CERS6: variants seen among roughly 807,000 people sequenced by gnomAD.
The protein encoded by CERS6 is ceramide synthase 6, also known as LAG1 homolog, ceramide synthase 6.
Under a neutral mutation model 56.8 loss-of-function variants are expected in CERS6, and 26 were observed. The ratio of observed to expected loss-of-function variants is 0.46; its 90% CI spans 0.34 to 0.63. The LOEUF is 0.63. CERS6 is among the 30% of genes least tolerant of loss of function. The pLI, the probability that CERS6 is intolerant of heterozygous loss-of-function variation, is 0.01. For synonymous variants in CERS6, 164 were observed against 173.3 expected (o/e 0.95, Z 0.42); for missense variants, 415 against 467.5 (o/e 0.89, Z 1.04).
intron 1 of CERS6, among the ~76,000 whole-genome samples, chr2:168,528,742 C>T (rs1224753888): frequency 6.6e-6 from 1 of 152,094 alleles, no homozygotes; most frequent in Non-Finnish European, 1.5e-5. Context: ...GAGAAAGCAG[C>T]CAAATGAGAG....
intron 9 of CERS6, among the ~76,000 whole-genome samples, chr2:168,768,066 C>T (rs1684766168): frequency 2.0e-5 from 3 of 152,190 alleles, no homozygotes; most frequent in African/African-American, 7.2e-5. Context: ...TCTTAATTTC[C>T]CCCAAAAACT....
chr2:168,604,982 G>A (rs1012559405), intron 3 of CERS6, among the ~76,000 whole-genome samples: 2 of 152,170 alleles, frequency 1.3e-5, no homozygotes, highest in African/African-American at 4.8e-5. Flanking sequence ...TTGGAATTGG[G>A]TAATGGGCTT....
chr2:168,469,311 G>A (rs984996710), intron 1 of CERS6, among the ~76,000 whole-genome samples: 2 of 152,172 alleles, frequency 1.3e-5, no homozygotes, highest in Non-Finnish European at 2.9e-5. Context: ...AGTTAGCCAT[G>A]TAAATAATTT....
At chr2:168,631,512 A>G (rs1360144555) in intron 4 of CERS6, among the ~76,000 whole-genome samples, 1 of 123,660 alleles carries the variant, frequency 8.1e-6, no homozygotes, top group African/African-American at 3.1e-5. Flanking sequence ...TATAATATAT[A>G]TAAACTATTA....
At chr2:168,576,741 C>CACAT (rs143929422) in intron 3 of CERS6, among the ~76,000 whole-genome samples, 19 of 152,250 alleles carry the variant, frequency 1.2e-4, no homozygotes, top group South Asian at 8.3e-4. Flanking sequence ...CACCTATACA[C>CACAT]ACATACATAC....
intron 8 of CERS6, among the ~76,000 whole-genome samples, chr2:168,750,761 T>G (rs746036768): frequency 1.3e-5 from 2 of 152,168 alleles, no homozygotes; most frequent in Non-Finnish European, 2.9e-5. Context: ...ATAGGACAAA[T>G]GTTTGCAAAG....
At chr2:168,624,319 G>T (rs936663941) in intron 3 of CERS6, among the ~76,000 whole-genome samples, 1 of 152,094 alleles carries the variant, frequency 6.6e-6, no homozygotes, top group South Asian at 2.1e-4. Context: ...GTCAAAATAA[G>T]ATTTTAATTT....
At chr2:168,762,314 A>G (rs922079857) in intron 8 of CERS6, among the ~76,000 whole-genome samples, 2 of 152,088 alleles carry the variant, frequency 1.3e-5, no homozygotes, top group East Asian at 3.8e-4. Context: ...ATGTCTATGT[A>G]TTTGAAATTA....
At chr2:168,617,801 A>G (rs577495122) in intron 3 of CERS6, among the ~76,000 whole-genome samples, 1 of 152,336 alleles carries the variant, frequency 6.6e-6, no homozygotes, top group East Asian at 1.9e-4. Context: ...TCTACCAGAC[A>G]TTCAAAGTAC....
At chr2:168,657,490 G>C (rs916771228) in intron 4 of CERS6, among the ~76,000 whole-genome samples, 1 of 152,388 alleles carries the variant, frequency 6.6e-6, no homozygotes, top group African/African-American at 2.4e-5. Flanking sequence ...GGAGCAGGGG[G>C]TGGAGCTCGT....
Position 168,774,898 on chromosome 2 carries a change from A to T in CERS6, c.*5236A>T, listed in dbSNP as rs1020000356. The T allele has an allele frequency of 6.6e-6, 1 of 152,170 alleles. No individual in the cohort carries two copies. The highest frequency in any genetic ancestry group is 6.5e-5 in the Admixed American group (1 of 15,276). The allele number at this position is 152,170 out of a possible 1,614,324, so 9.4% of individuals were successfully genotyped here. ...TTTTCAACTTGCAGTGAGAAATAGG[A>T]TAGGTGACAAAACCTTACTTGTTTT... On this transcript the variant is annotated 3_prime_UTR_variant, in exon 10 of 10. Transcript: ENST00000305747.
At chr2:168,681,813 G>T (rs959424231) in intron 4 of CERS6, among the ~76,000 whole-genome samples, 6 of 152,064 alleles carry the variant, frequency 3.9e-5, no homozygotes, top group African/African-American at 1.5e-4. Flanking sequence ...CCATCCCCTA[G>T]TAACCACTAT....
In CERS6 at chr2:168,463,717, C is replaced by T. The variant is rs764595007; in HGVS notation, c.170+7099C>T. 5.6e-4 allele frequency among the ~76,000 whole-genome samples: 85 copies of T among 152,078 alleles called. 1 individual carries two copies. Among genetic ancestry groups the T allele is most frequent in the Non-Finnish European group, 9.0e-4 (61 of 67,974 alleles). On this transcript the variant is annotated intron_variant, in intron 1 of 9. Coordinates refer to ENST00000305747, the MANE Select transcript of CERS6 (RefSeq NM_203463.3). ...GAGCCCAGGAATTTGAGACCAGCTG[C>T]GGCAACATGGCAAAACCCCGTCTTT...
intron 8 of CERS6, among the ~76,000 whole-genome samples, chr2:168,758,508 C>T (rs539841310): frequency 3.9e-5 from 6 of 152,240 alleles, no homozygotes; most frequent in East Asian, 1.9e-4. Flanking sequence ...GGAGGAGCGG[C>T]GGAGGCAAAT....
intron 8 of CERS6, among the ~76,000 whole-genome samples, chr2:168,727,825 T>C (rs1683392316): frequency 6.6e-6 from 1 of 152,254 alleles, no homozygotes; most frequent in Admixed American, 6.5e-5. Flanking sequence ...TGGTCTATGT[T>C]AAATATATTA....
intron 5 of CERS6, among the ~76,000 whole-genome samples, chr2:168,692,837 A>G (rs1686540143): frequency 6.6e-6 from 1 of 152,098 alleles, no homozygotes; most frequent in African/African-American, 2.4e-5. Flanking sequence ...TGCCTATGTA[A>G]ATATATAGAT....
chr2:168,578,882 A>G (rs977118785), intron 3 of CERS6, among the ~76,000 whole-genome samples: 5 of 152,138 alleles, frequency 3.3e-5, no homozygotes, highest in African/African-American at 7.2e-5. Context: ...TTTTCCTAAC[A>G]TTATTAAATG....
In CERS6 at chr2:168,491,916, A is replaced by G. The variant is rs1694381103; in HGVS notation, c.170+35298A>G. 2.0e-5 allele frequency among the ~76,000 whole-genome samples: 3 copies of G among 152,176 alleles called. No individual in the cohort carries two copies. The East Asian group carries it at 5.8e-4, about 29-fold the overall frequency. On this transcript the variant is annotated intron_variant, in intron 1 of 9. Transcript: ENST00000305747. ...TAGTTTGCTGACAATAATGGTTTCC[A>G]GCTTCATCCATGTCCCTACAAAGGA...
intron 7 of CERS6, among the ~76,000 whole-genome samples, chr2:168,715,757 T>C (rs547002170): frequency 4.1e-4 from 63 of 152,278 alleles, no homozygotes; most frequent in African/African-American, 1.2e-3. Context: ...AAAACTGTGA[T>C]GTGATATTTA....
Sources: allele counts gnomAD v4.1 joint callset (sites outside exome capture counted in the v4.1 genomes callset), GRCh38; gene constraint gnomAD v4.1.1; transcripts MANE v1.5; gene names NCBI Gene and HGNC (gene_info 2026-07-23, HGNC 2026-07-21).